Variants in INPP4B observed in about 807,000 individuals in gnomAD.
The protein encoded by INPP4B is inositol polyphosphate 4-phosphatase type II.
A neutral mutation model predicts 122.5 loss-of-function variants in INPP4B; 55 were observed. The ratio of observed to expected loss-of-function variants is 0.45; its 90% confidence interval spans 0.36 to 0.56. INPP4B has a LOEUF of 0.56. Ranked by LOEUF, INPP4B falls within the 20% of genes least tolerant of loss-of-function variation. The pLI, the probability that INPP4B is intolerant of heterozygous loss-of-function variation, is 0.00. For missense variants in INPP4B, 1,000 were observed against 1,097.7 expected, an observed-to-expected ratio of 0.91 and a Z score of 1.26; for synonymous variants, 403 against 388.7, an observed-to-expected ratio of 1.04 and a Z score of -0.43.
intron 21 of INPP4B, among the ~76,000 whole-genome samples, chr4:142,116,494 C>A (rs4637485): frequency 0.54 from 82,731 of 151,994 alleles, 25,444 homozygotes; most frequent in Non-Finnish European, 0.68. Flanking sequence ...AACTAGAACT[C>A]AGGATTAAGA....
chr4:142,487,157 C>T (rs982009422), intron 2 of INPP4B, among the ~76,000 whole-genome samples: 1 of 152,132 alleles, frequency 6.6e-6, no homozygotes, highest in South Asian at 2.1e-4. Context: ...CTCTCTTTGC[C>T]TGCTGCCATC....
At chr4:142,785,590 C>T (rs905665616) in intron 1 of INPP4B, among the ~76,000 whole-genome samples, 2 of 151,678 alleles carry the variant, frequency 1.3e-5, no homozygotes, top group East Asian at 3.9e-4. Flanking sequence ...GAAAAGAATC[C>T]GTGAGTTTGA....
chr4:142,316,944 C>T (rs893954853), intron 7 of INPP4B, among the ~76,000 whole-genome samples: 1 of 152,256 alleles, frequency 6.6e-6, no homozygotes, highest in African/African-American at 2.4e-5. Context: ...CTTGTTGAGA[C>T]TTCAGAGGCT....
chr4:142,142,707 ATAATAT>A (rs1808509959), intron 18 of INPP4B, among the ~76,000 whole-genome samples: 2 of 152,140 alleles, frequency 1.3e-5, no homozygotes, highest in Admixed American at 1.3e-4. Context: ...TCCAAAATAA[ATAATAT>A]TAGTATTGGA....
chr4:142,570,357 C>A (rs1429089649), intron 2 of INPP4B, among the ~76,000 whole-genome samples: 1 of 151,498 alleles, frequency 6.6e-6, no homozygotes, highest in East Asian at 1.9e-4. Context: ...ATTTTCAGCA[C>A]AATAAAAAAA....
intron 1 of INPP4B, among the ~76,000 whole-genome samples, chr4:142,844,038 T>C (rs1455117509): frequency 6.6e-6 from 1 of 152,176 alleles, no homozygotes; most frequent in Non-Finnish European, 1.5e-5. Flanking sequence ...TGATGGTCTA[T>C]GATAGTAGAG....
intron 14 of INPP4B, among the ~76,000 whole-genome samples, chr4:142,207,750 T>C (rs1332835845): frequency 3.3e-5 from 5 of 152,146 alleles, no homozygotes; most frequent in Non-Finnish European, 7.4e-5. Context: ...ATTTGCATAA[T>C]TGCTATAGCA....
chr4:142,820,488 T>A (rs1321715100), intron 1 of INPP4B, among the ~76,000 whole-genome samples: 3 of 152,134 alleles, frequency 2.0e-5, no homozygotes, highest in Non-Finnish European at 2.9e-5. Context: ...GCACCATGCT[T>A]CTTGTACAGC....
Position 142,124,635 on chromosome 4 carries a change from G to A in INPP4B, c.1846C>T (p.Gln616Ter), listed in dbSNP as rs1181059444. The A allele has an allele frequency of 6.2e-7, 1 of 1,613,370 alleles. No homozygotes were observed. The highest frequency in any genetic ancestry group is 1.3e-5 in the African/African-American group (1 of 74,862). The change falls in exon 19 of 26, where the codon CAG (glutamine) becomes TAG (stop). Residue 616 changes from glutamine (Q) to a stop codon, truncating the protein, a stop_gained. Transcript: ENST00000262992. LOFTEE classifies it high-confidence loss of function. ...CTTCTTAGCGTCAGCATCAGACACT[G>A]GGGCAAGCTGTACGCAAGTTCCTGA... is the stretch of plus-strand genomic sequence containing the variant. ...LLQELAYSLP[Q>*]CLMLTLRRDI... is the part of the protein sequence containing the mutation.
At chr4:142,692,970 C>G (rs1038502396) in intron 2 of INPP4B, among the ~76,000 whole-genome samples, 1 of 144,078 alleles carries the variant, frequency 6.9e-6, no homozygotes, top group East Asian at 2.0e-4. Context: ...GACAGACAGA[C>G]AGACACATAC....
At chr4:142,048,904 T>C (rs993038196) in intron 25 of INPP4B, among the ~76,000 whole-genome samples, 2 of 151,916 alleles carry the variant, frequency 1.3e-5, no homozygotes, top group Admixed American at 6.6e-5. Context: ...AGGACCAGGG[T>C]GGCAGAACAT....
intron 2 of INPP4B, among the ~76,000 whole-genome samples, chr4:142,629,435 C>G (rs963408980): frequency 2.0e-5 from 3 of 151,846 alleles, no homozygotes; most frequent in African/African-American, 7.3e-5. Context: ...TGCAGAGATT[C>G]TGATTTAGGA....
intron 2 of INPP4B, among the ~76,000 whole-genome samples, chr4:142,468,238 T>C (rs955316073): frequency 1.4e-4 from 21 of 152,162 alleles, no homozygotes; most frequent in African/African-American, 5.1e-4. Context: ...GAGCTGACTA[T>C]TTGTCTTTTC....
At chr4:142,833,726 T>A (rs1218143782) in intron 1 of INPP4B, among the ~76,000 whole-genome samples, 1 of 151,968 alleles carries the variant, frequency 6.6e-6, no homozygotes, top group Non-Finnish European at 1.5e-5. Flanking sequence ...CAGCACCAGG[T>A]CTTTTTAATA....
At chr4:142,297,193 G>C (rs1055975145) in intron 9 of INPP4B, among the ~76,000 whole-genome samples, 1 of 152,152 alleles carries the variant, frequency 6.6e-6, no homozygotes, top group Non-Finnish European at 1.5e-5. Flanking sequence ...CCAAATTGCT[G>C]TCCATATTTC....
chr4:142,837,589 A>G (rs909320455), intron 1 of INPP4B, among the ~76,000 whole-genome samples: 1 of 152,190 alleles, frequency 6.6e-6, no homozygotes, highest in Non-Finnish European at 1.5e-5. Flanking sequence ...TAAATTGTCT[A>G]TAAGAAGGGC....
intron 7 of INPP4B, among the ~76,000 whole-genome samples, chr4:142,347,927 G>C (rs949151134): frequency 2.0e-5 from 3 of 152,026 alleles, no homozygotes; most frequent in African/African-American, 7.2e-5. Context: ...CTGAAGGAAA[G>C]AGATGAGGAA....
intron 1 of INPP4B, among the ~76,000 whole-genome samples, chr4:142,781,315 T>C (rs185981989): frequency 8.5e-5 from 13 of 152,360 alleles, no homozygotes; most frequent in Admixed American, 3.3e-4. Flanking sequence ...ATGAGTCATC[T>C]TTCAAGTGTC....
At chr4:142,527,772 C>T (rs1827119157) in intron 2 of INPP4B, among the ~76,000 whole-genome samples, 1 of 151,888 alleles carries the variant, frequency 6.6e-6, no homozygotes, top group African/African-American at 2.4e-5. Flanking sequence ...GAATTTTTTT[C>T]AGGAGGTCTG....
Sources: allele counts gnomAD v4.1 joint callset (sites outside exome capture counted in the v4.1 genomes callset), GRCh38; gene constraint gnomAD v4.1.1; transcripts MANE v1.5; gene names NCBI Gene and HGNC (gene_info 2026-07-23, HGNC 2026-07-21).